The following FRMD5 variants were observed in gnomAD, a reference collection of about 807,000 sequenced individuals.
FRMD5 encodes FERM domain containing 5.
FRMD5 carries 20 observed loss-of-function variants against 69.0 expected under a neutral mutation model. The ratio of observed to expected loss-of-function variants is 0.29; its 90% CI spans 0.20 to 0.42. The LOEUF (loss-of-function observed/expected upper bound fraction) is 0.42. FRMD5 is among the 10% of genes least tolerant of loss of function. The pLI is 1.00. For missense variants in FRMD5, 595 were observed against 708.6 expected, an observed-to-expected ratio of 0.84 and a Z score of 1.82; for synonymous variants, 271 against 260.1, an observed-to-expected ratio of 1.04 and a Z score of -0.40.
chr15:43,939,563 T>C (rs745641881), intron 1 of FRMD5, among the ~76,000 whole-genome samples: 7 of 151,728 alleles, frequency 4.6e-5, no homozygotes, highest in Non-Finnish European at 7.4e-5. Flanking sequence ...TATATATTTA[T>C]TTTTATCTTT....
intron 1 of FRMD5, among the ~76,000 whole-genome samples, chr15:43,986,040 G>C (rs1889378433): frequency 6.6e-6 from 1 of 152,192 alleles, no homozygotes; most frequent in South Asian, 2.1e-4. Flanking sequence ...CCAAACAACA[G>C]GGTTGAAATT....
In FRMD5 at chr15:43,909,864, C is replaced by G; in HGVS notation, c.427+18G>C. Reference sequence around the variant, plus strand: ...TACTTGGCATGAAAAGCAAACTTATCCTGTCAAAAGTCATTACCTTGAAGG... The same window carrying G: ...TACTTGGCATGAAAAGCAAACTTATGCTGTCAAAAGTCATTACCTTGAAGG... On this transcript the variant is annotated intron_variant, in intron 5 of 13. Transcript: ENST00000417257. 1 of 1,516,822 alleles carries G rather than the reference C, an allele frequency of 6.6e-7. No individual in the cohort carries two copies. Among genetic ancestry groups the G allele is most frequent in the African/African-American group, 1.4e-5 (1 of 72,858 alleles). The allele number at this position is 1,516,822 out of a possible 1,614,324, so 94.0% of individuals were successfully genotyped here. A position where few individuals can be genotyped will look rare whatever the true frequency, so the allele number is the denominator to read the frequency against.
chr15:44,006,580 A>G (rs951110923), intron 1 of FRMD5, among the ~76,000 whole-genome samples: 16 of 152,256 alleles, frequency 1.1e-4, no homozygotes, highest in South Asian at 4.1e-4. Context: ...TCTAGATGCC[A>G]TTAAGAACAT....
In FRMD5 at chr15:43,874,468, A is replaced by G; in HGVS notation, c.1136-6T>C. The G allele has an allele frequency of 6.2e-7, 1 of 1,611,006 alleles. No homozygotes were observed. Among genetic ancestry groups the G allele is most frequent in the Admixed American group, 1.7e-5 (1 of 60,010 alleles). On this transcript the variant is annotated splice_region_variant and splice_polypyrimidine_tract_variant and intron_variant, in intron 13 of 13. Coordinates refer to ENST00000417257, the MANE Select transcript of FRMD5 (RefSeq NM_032892.5). ...GTCCCGTAAGGACTCTAGGCCTAGAAAGGCAAAAGGAACATGAGTAGGCTG... is the reference window on the plus strand; with the variant it reads ...GTCCCGTAAGGACTCTAGGCCTAGAGAGGCAAAAGGAACATGAGTAGGCTG...
chr15:44,110,835 T>C lies in FRMD5; in HGVS notation c.102+84118A>G, dbSNP rs549120064. 4.6e-5 allele frequency among the ~76,000 whole-genome samples: 7 copies of C among 152,332 alleles called. 1 individual carries two copies. Among genetic ancestry groups the C allele is most frequent in the South Asian group, 4.1e-4 (2 of 4,824 alleles). On this transcript the variant is annotated intron_variant, in intron 1 of 13. Coordinates refer to ENST00000417257, the MANE Select transcript of FRMD5 (RefSeq NM_032892.5). ...CCCATTTGCAAAATGAAGATAATAG[T>C]GTGAGAAATTAAATGAGAAAATGTA...
chr15:44,140,998 C>CA (rs34680070), intron 1 of FRMD5, among the ~76,000 whole-genome samples: 135,350 of 151,088 alleles, frequency 0.9, 61,065 homozygotes, highest in East Asian at 1. Flanking sequence ...TCTTACATAC[C>CA]GTAATAACCA....
chr15:44,165,883 C>A (rs887609672), intron 1 of FRMD5, among the ~76,000 whole-genome samples: 1 of 152,064 alleles, frequency 6.6e-6, no homozygotes, highest in African/African-American at 2.4e-5. Flanking sequence ...CACTCAGCCT[C>A]TGAGTATTAA....
At position 43,880,923 on chromosome 15, in the gene FRMD5, C is replaced by T. The variant is rs61445261; in HGVS notation, c.1135+2780G>A. ...GGGAGGAGGAGGCTGGAGGTAAAGC[C>T]AGAGCTGAATGGGGACCTGACTCAG... On this transcript the variant is annotated intron_variant, in intron 13 of 13. Coordinates refer to ENST00000417257, the MANE Select transcript of FRMD5 (RefSeq NM_032892.5). Among the ~76,000 whole-genome samples, 348 of 152,308 alleles carry T rather than the reference C, an allele frequency of 2.3e-3. 8 individuals carry two copies. The East Asian group carries it at 0.054, about 23-fold the overall frequency.
At chr15:43,920,674 G>A (rs779556091) in intron 2 of FRMD5, among the ~76,000 whole-genome samples, 2 of 152,144 alleles carry the variant, frequency 1.3e-5, no homozygotes, top group Non-Finnish European at 2.9e-5. Flanking sequence ...ATTATCCAGA[G>A]GTAGCTTAAC....
intron 1 of FRMD5, among the ~76,000 whole-genome samples, chr15:44,192,284 G>A (rs539793596): frequency 6.6e-6 from 1 of 152,172 alleles, no homozygotes; most frequent in East Asian, 1.9e-4. Context: ...TCTTATAACT[G>A]AAATTTACCA....
intron 1 of FRMD5, among the ~76,000 whole-genome samples, chr15:43,996,175 G>A (rs1357961565): frequency 6.6e-6 from 1 of 151,942 alleles, no homozygotes; most frequent in Non-Finnish European, 1.5e-5. Context: ...GCAGGGGCTG[G>A]CCTGGAGGCA....
At chr15:43,994,284 C>G (rs1462547191) in intron 1 of FRMD5, among the ~76,000 whole-genome samples, 1 of 152,028 alleles carries the variant, frequency 6.6e-6, no homozygotes, top group Non-Finnish European at 1.5e-5. Context: ...TTACACAGAA[C>G]ATCTTATAGT....
chr15:44,174,126 T>C (rs1177625028), intron 1 of FRMD5, among the ~76,000 whole-genome samples: 1 of 152,164 alleles, frequency 6.6e-6, no homozygotes, highest in Non-Finnish European at 1.5e-5. Context: ...GGCATTCTAA[T>C]AAAATTCTGC....
rs1296944422 is a variant in FRMD5, at chr15:44,139,302, C to CT, written c.102+55650_102+55651insA. Among the ~76,000 whole-genome samples the CT allele has an allele frequency of 3.0e-3, 452 of 148,682 alleles. 3 individuals carry two copies. Among genetic ancestry groups the CT allele is most frequent in the African/African-American group, 0.01 (424 of 40,564 alleles). On this transcript the variant is annotated intron_variant, in intron 1 of 13. Coordinates refer to ENST00000417257, the MANE Select transcript of FRMD5 (RefSeq NM_032892.5). ...ATCTATAGCTCCCCCTCTCTCTACA[C>CT]ACACACACACACACACACACACACA...
chr15:43,988,976 AC>A (rs1889533189), intron 1 of FRMD5: 4 of 669,744 alleles, frequency 6.0e-6, no homozygotes, highest in South Asian at 5.7e-5. Flanking sequence ...AATAAAAAAA[AC>A]AAAGTCATGC....
At chr15:43,930,610 T>C (rs1250088805) in intron 1 of FRMD5, among the ~76,000 whole-genome samples, 1 of 152,216 alleles carries the variant, frequency 6.6e-6, no homozygotes, top group Non-Finnish European at 1.5e-5. Flanking sequence ...CACCAAATCC[T>C]TAAATACAGC....
chr15:43,872,395 A>AT lies in FRMD5; in HGVS notation c.*1489dup, dbSNP rs2140323241. ...GCTCTACTTTTGTGTGGGTCCAGGA[A>AT]TATGTCCATTGACCACCCTTAAATA... On this transcript the variant is annotated 3_prime_UTR_variant, in exon 14 of 14. Coordinates refer to ENST00000417257, the MANE Select transcript of FRMD5 (RefSeq NM_032892.5). 1 of 152,332 alleles carries AT rather than the reference A, an allele frequency of 6.6e-6. No homozygotes were observed. Among genetic ancestry groups the AT allele is most frequent in the East Asian group, 1.9e-4 (1 of 5,182 alleles). 9.4% of individuals were successfully genotyped at this position (152,332 alleles called of 1,614,324 possible).
At chr15:43,926,802 C>T (rs1225910149) in intron 1 of FRMD5, among the ~76,000 whole-genome samples, 2 of 150,630 alleles carry the variant, frequency 1.3e-5, no homozygotes, top group African/African-American at 4.9e-5. Flanking sequence ...GCTGATAAGA[C>T]CCTGAAAAAC....
At chr15:44,060,232 C>T (rs1893036337) in intron 1 of FRMD5, among the ~76,000 whole-genome samples, 1 of 152,294 alleles carries the variant, frequency 6.6e-6, no homozygotes, top group Middle Eastern at 3.4e-3. Context: ...CAAAGAGTTA[C>T]CAGCTCATAA....
Sources: allele counts gnomAD v4.1 joint callset (sites outside exome capture counted in the v4.1 genomes callset), GRCh38; gene constraint gnomAD v4.1.1; transcripts MANE v1.5; gene names NCBI Gene and HGNC (gene_info 2026-07-23, HGNC 2026-07-21).